ITPR1: variants seen among roughly 807,000 people sequenced by gnomAD.
ITPR1 encodes the protein inositol 1,4,5-trisphosphate receptor type 1.
Under a neutral mutation model 318.4 loss-of-function variants are expected in ITPR1, and 96 were observed. The observed-to-expected ratio is 0.30, with a 90% CI of 0.26 to 0.36. ITPR1 has a LOEUF of 0.36. ITPR1 is among the 10% of genes least tolerant of loss of function. ITPR1 has a pLI of 1.00. For missense variants in ITPR1, 2,440 were observed against 3,460.2 expected (o/e 0.71, Z 7.40); for synonymous variants, 1,312 against 1,289.9 (o/e 1.02, Z -0.37).
chr3:4,693,565 C>T lies in ITPR1; in HGVS notation c.4105C>T (p.Arg1369Trp), dbSNP rs61757109. The change falls in exon 33 of 62, where the codon CGG (arginine) becomes TGG (tryptophan). Residue 1369 changes from arginine to tryptophan, a missense_variant. By Grantham distance (101) the Arg-to-Trp change is moderately radical (BLOSUM62 -3). This residue lies in a region of ITPR1 where 222 missense variants were observed against 318.8 expected (regional missense o/e 0.70). Transcript: ENST00000649015. ...TTTCCAGACTCTGATCCAGATGATG[C>T]GGTCAGAACGGGATCGGATGGATGA... ...ASFQTLIQMM[R>W]SERDRMDENS... The T allele has an allele frequency of 3.7e-6, 6 of 1,613,908 alleles. No individual in the cohort carries two copies. The highest frequency in any genetic ancestry group is 5.1e-6 in the Non-Finnish European group (6 of 1,179,844).
At chr3:4,725,175 C>T (rs994945462) in intron 40 of ITPR1, among the ~76,000 whole-genome samples, 3 of 152,018 alleles carry the variant, frequency 2.0e-5, no homozygotes, top group Admixed American at 6.5e-5. Flanking sequence ...TCCGTGGACA[C>T]GCATACTATT....
chr3:4,590,679 G>A (rs554531498), intron 4 of ITPR1, among the ~76,000 whole-genome samples: 12 of 152,070 alleles, frequency 7.9e-5, no homozygotes, highest in Admixed American at 3.3e-4. Context: ...GGGACTACAG[G>A]CATGTGCCAG....
chr3:4,722,732 G>A (rs1327921626), intron 40 of ITPR1, among the ~76,000 whole-genome samples: 1 of 114,914 alleles, frequency 8.7e-6, no homozygotes, highest in East Asian at 2.1e-4. Context: ...GTATGGCCTG[G>A]CCCCTTCCAT....
At chr3:4,563,292 G>A (rs1168474594) in intron 4 of ITPR1, among the ~76,000 whole-genome samples, 2 of 152,124 alleles carry the variant, frequency 1.3e-5, no homozygotes, top group Non-Finnish European at 2.9e-5. Flanking sequence ...AGGATTGCTT[G>A]AGCCCAGGAG....
intron 4 of ITPR1, among the ~76,000 whole-genome samples, chr3:4,524,134 G>A (rs1489093324): frequency 6.6e-6 from 1 of 152,176 alleles, no homozygotes; most frequent in Admixed American, 6.5e-5. Context: ...TTAATTCCAT[G>A]TGCTAAACCA....
intron 60 of ITPR1, among the ~76,000 whole-genome samples, chr3:4,823,606 C>CA (rs900434782): frequency 7.3e-5 from 11 of 151,286 alleles, no homozygotes; most frequent in Non-Finnish European, 1.5e-4. Context: ...CTAAAAAAAA[C>CA]AAAAAACAAA....
intron 59 of ITPR1, among the ~76,000 whole-genome samples, chr3:4,817,792 C>G (rs941428672): frequency 6.6e-6 from 1 of 152,184 alleles, no homozygotes; most frequent in Non-Finnish European, 1.5e-5. Flanking sequence ...CTCCTGGAAC[C>G]TAGACGGCGG....
At chr3:4,587,414 G>A (rs769589389) in intron 4 of ITPR1, among the ~76,000 whole-genome samples, 19 of 152,034 alleles carry the variant, frequency 1.2e-4, no homozygotes, top group Non-Finnish European at 1.5e-5. Context: ...GGGACTACAG[G>A]TGCATGCCAC....
chr3:4,547,413 C>T (rs1559424617), intron 4 of ITPR1, among the ~76,000 whole-genome samples: 4 of 152,192 alleles, frequency 2.6e-5, no homozygotes, highest in Non-Finnish European at 5.9e-5. Flanking sequence ...TCACATGTGT[C>T]TTGTGTTACT....
At chr3:4,605,716 T>G (rs2091656040) in intron 4 of ITPR1, among the ~76,000 whole-genome samples, 1 of 152,192 alleles carries the variant, frequency 6.6e-6, no homozygotes. Flanking sequence ...TCTGTAAATT[T>G]GCAGTTGTCT....
intron 4 of ITPR1, among the ~76,000 whole-genome samples, chr3:4,541,749 C>G (rs1211757742): frequency 1.3e-5 from 2 of 152,086 alleles, no homozygotes; most frequent in Non-Finnish European, 2.9e-5. Flanking sequence ...CCTCAGCCTC[C>G]CGAGTAGCTG....
intron 10 of ITPR1, among the ~76,000 whole-genome samples, chr3:4,646,937 A>G (rs1246058809): frequency 3.3e-5 from 5 of 150,578 alleles, no homozygotes; most frequent in African/African-American, 7.3e-5. Context: ...GCCTATGTAT[A>G]GTATAGTAAA....
chr3:4,717,389 A>T lies in ITPR1; in HGVS notation c.5126A>T (p.Asp1709Val). ...GEKLISIDEL[D>V]NAELPPAPDS... is the part of the protein sequence containing the mutation. The stretch of plus-strand genomic sequence containing the variant: ...CAGCTAATTTCCATTGATGAATTGG[A>T]TAATGCTGAGGTCCTAATTTTGTTG... The change falls in exon 40 of 62, where the codon GAT becomes GTT. Residue 1709 changes from aspartate (D) to valine (V), a missense_variant. By Grantham distance (152) the Asp-to-Val change is radical. Coordinates refer to ENST00000649015, the MANE Select transcript of ITPR1 (RefSeq NM_001378452.1). 1 of 1,596,514 alleles carries T rather than the reference A, an allele frequency of 6.3e-7. No homozygotes were observed. Among genetic ancestry groups the T allele is most frequent in the Non-Finnish European group, 8.5e-7 (1 of 1,177,374 alleles).
intron 5 of ITPR1, 151 bp from the exon 6 acceptor site, chr3:4,639,233 G>C (rs749285877): frequency 9.9e-6 from 6 of 608,424 alleles, no homozygotes; most frequent in African/African-American, 1.9e-5. Flanking sequence ...TGAACCCCTT[G>C]GCTCATTTCT....
rs1021583998 is a variant in ITPR1, at chr3:4,730,874, G to A, written c.5221-2214G>A. 2.6e-5 allele frequency among the ~76,000 whole-genome samples: 4 copies of A among 152,176 alleles called. No individual in the cohort carries two copies. The South Asian group carries it at 8.3e-4, about 32-fold the overall frequency. ...CTATGCTCTTTCAGATTCCCGTTGC[G>A]ATGGCTACGTTGGCTGTCTTCCCTG... On this transcript the variant is annotated intron_variant, in intron 42 of 61. Transcript: ENST00000649015.
intron 6 of ITPR1, among the ~76,000 whole-genome samples, chr3:4,641,114 T>C (rs1169644072): frequency 6.6e-6 from 1 of 152,188 alleles, no homozygotes; most frequent in East Asian, 1.9e-4. Context: ...CAATGGAGTC[T>C]TTTGCTGGTT....
chr3:4,520,328 G>A (rs926671330), intron 3 of ITPR1, among the ~76,000 whole-genome samples: 3 of 152,174 alleles, frequency 2.0e-5, no homozygotes, highest in African/African-American at 4.8e-5. Context: ...GAGTCTTTAT[G>A]TAATGTGAGC....
chr3:4,583,675 G>C (rs71313829), intron 4 of ITPR1, among the ~76,000 whole-genome samples: 2 of 152,106 alleles, frequency 1.3e-5, no homozygotes, highest in African/African-American at 4.8e-5. Context: ...TGCGGGGTTC[G>C]TTATTCCTGG....
Position 4,675,145 on chromosome 3 carries a change from T to A in ITPR1, c.2676T>A (p.Leu892=), listed in dbSNP as rs2094158249. The A allele has an allele frequency of 4.3e-6, 7 of 1,609,784 alleles. No individual in the cohort carries two copies. The highest frequency in any genetic ancestry group is 6.0e-6 in the Non-Finnish European group (7 of 1,176,272). The part of the protein sequence containing the change: ...FSDLLRLTKI[L]LAILDCVHVT... ...ACCTTCTACGATTAACTAAGATCCTTCTGGCCATATTGGACTGTGTACATG... is the reference window on the plus strand; with the variant it reads ...ACCTTCTACGATTAACTAAGATCCTACTGGCCATATTGGACTGTGTACATG... The change falls in exon 23 of 62, where the codon CTT becomes CTA. Residue 892 remains leucine (L), a synonymous_variant. Transcript: ENST00000649015.
Sources: gnomAD v4.1 joint callset for allele counts (sites outside exome capture counted in the v4.1 genomes callset) on GRCh38, gnomAD v4.1.1 for gene constraint, gnomAD v4.1.1 regional missense constraint, MANE v1.5 for transcripts, NCBI Gene and HGNC (gene_info 2026-07-23, HGNC 2026-07-21) for gene names.